Variants in PPM1E observed in about 807,000 individuals in gnomAD.
The protein encoded by PPM1E is protein phosphatase, Mg2+/Mn2+ dependent 1E.
PPM1E carries 20 observed loss-of-function variants against 65.9 expected under a neutral mutation model. That is an observed-to-expected ratio of 0.30 (90% CI 0.21 to 0.44). The LOEUF (loss-of-function observed/expected upper bound fraction) is 0.44. Ranked by LOEUF, PPM1E falls within the 20% of genes least tolerant of loss-of-function variation. PPM1E has a pLI of 1.00. For synonymous variants in PPM1E, 352 were observed against 374.9 expected (o/e 0.94, Z 0.70); for missense variants, 713 against 953.1 (o/e 0.75, Z 3.32).
intron 1 of PPM1E, among the ~76,000 whole-genome samples, chr17:58,842,524 G>A (rs1324617377): frequency 1.3e-5 from 2 of 152,240 alleles, no homozygotes; most frequent in African/African-American, 4.8e-5. Flanking sequence ...AAAACTGTTG[G>A]CTGGGCGCAG....
chr17:58,908,820 A>G (rs926658604), intron 1 of PPM1E, among the ~76,000 whole-genome samples: 6 of 152,204 alleles, frequency 3.9e-5, no homozygotes, highest in African/African-American at 1.4e-4. Context: ...TTCAAATAAC[A>G]CTACACCATT....
At chr17:58,939,423 C>G (rs776052944) in intron 1 of PPM1E, among the ~76,000 whole-genome samples, 6 of 152,250 alleles carry the variant, frequency 3.9e-5, no homozygotes, top group African/African-American at 1.4e-4. Context: ...TTGTAGAACA[C>G]TTACTGTTAG....
At chr17:58,969,364 G>A in intron 3 of PPM1E, 175 bp from the exon 4 acceptor site, 1 of 719,208 alleles carries the variant, frequency 1.4e-6, no homozygotes, top group Non-Finnish European at 2.5e-6. Context: ...CCCTAATATT[G>A]CAGGTATTTC....
At chr17:58,954,347 C>G (rs2052283813) in intron 1 of PPM1E, among the ~76,000 whole-genome samples, 1 of 152,162 alleles carries the variant, frequency 6.6e-6, no homozygotes, top group Admixed American at 6.6e-5. Flanking sequence ...TTTGATATAG[C>G]AGTCAAAGCA....
intron 1 of PPM1E, among the ~76,000 whole-genome samples, chr17:58,950,440 C>G (rs2052220241): frequency 6.6e-6 from 1 of 152,202 alleles, no homozygotes; most frequent in Non-Finnish European, 1.5e-5. Flanking sequence ...AACTTTCCAG[C>G]TTCCTGGATC....
intron 4 of PPM1E, among the ~76,000 whole-genome samples, chr17:58,970,912 T>C (rs989796000): frequency 1.3e-5 from 2 of 152,136 alleles, no homozygotes; most frequent in African/African-American, 4.8e-5. Context: ...ATTCACTCTG[T>C]CTTCTTCATC....
chr17:58,910,630 T>A (rs2051616448), intron 1 of PPM1E, among the ~76,000 whole-genome samples: 1 of 152,198 alleles, frequency 6.6e-6, no homozygotes. Flanking sequence ...TGATAAGGTA[T>A]GTAGTTAGGG....
At chr17:58,977,001 T>A (rs2031041747) in intron 6 of PPM1E, among the ~76,000 whole-genome samples, 1 of 152,206 alleles carries the variant, frequency 6.6e-6, no homozygotes, top group Admixed American at 6.5e-5. Flanking sequence ...TATTATTTAT[T>A]TTTAAATATC....
chr17:58,823,526 A>G (rs1308506136), intron 1 of PPM1E, among the ~76,000 whole-genome samples: 1 of 152,238 alleles, frequency 6.6e-6, no homozygotes, highest in Admixed American at 6.5e-5. Context: ...CTCTTTGAAA[A>G]TAACATTGCT....
chr17:58,938,123 G>C (rs1017839243), intron 1 of PPM1E, among the ~76,000 whole-genome samples: 3 of 152,140 alleles, frequency 2.0e-5, no homozygotes, highest in African/African-American at 7.2e-5. Context: ...TGGATCTGAA[G>C]TGTGTTTACA....
intron 1 of PPM1E, among the ~76,000 whole-genome samples, chr17:58,934,302 T>C (rs534286688): frequency 6.6e-6 from 1 of 152,160 alleles, no homozygotes; most frequent in Non-Finnish European, 1.5e-5. Flanking sequence ...CTGTGTGTAG[T>C]GTGCACAAAA....
At chr17:58,782,690 G>T (rs1039301444) in intron 1 of PPM1E, among the ~76,000 whole-genome samples, 1 of 151,884 alleles carries the variant, frequency 6.6e-6, no homozygotes, top group South Asian at 2.1e-4. Context: ...GGGATTACAG[G>T]CATGAACCAC....
At chr17:58,840,180 A>G (rs926770625) in intron 1 of PPM1E, among the ~76,000 whole-genome samples, 11 of 152,176 alleles carry the variant, frequency 7.2e-5, no homozygotes, top group African/African-American at 2.4e-4. Flanking sequence ...CCCAGCAACA[A>G]TCTGTGACGA....
chr17:58,847,862 T>G (rs2050787396), intron 1 of PPM1E, among the ~76,000 whole-genome samples: 1 of 152,158 alleles, frequency 6.6e-6, no homozygotes, highest in Admixed American at 6.5e-5. Flanking sequence ...TACCTTGGGC[T>G]ATATGGCCAT....
intron 2 of PPM1E, 97 bp from the exon 3 acceptor site, chr17:58,965,597 C>T: frequency 8.5e-7 from 1 of 1,173,440 alleles, no homozygotes; most frequent in South Asian, 1.4e-5. Context: ...GAAGGAGGAA[C>T]TTGACTAAGG....
chr17:58,902,542 G>C (rs1325228366), intron 1 of PPM1E, among the ~76,000 whole-genome samples: 1 of 150,986 alleles, frequency 6.6e-6, no homozygotes, highest in African/African-American at 2.5e-5. Context: ...ATTTGTCTCT[G>C]TCTGTGGATA....
At chr17:58,805,981 AAAACAAAAC>A (rs1567838891) in intron 1 of PPM1E, among the ~76,000 whole-genome samples, 54 of 100,670 alleles carry the variant, frequency 5.4e-4, no homozygotes, top group African/African-American at 1.2e-3. Context: ...AAACAAAAAA[AAAACAAAAC>A]AAAACAAAAC....
In PPM1E at chr17:58,819,755, G is replaced by A. The variant is rs140839446; in HGVS notation, c.464+63294G>A. Among the ~76,000 whole-genome samples the A allele has an allele frequency of 5.9e-5, 9 of 152,064 alleles. No homozygotes were observed. In the East Asian group the frequency reaches 1.6e-3, roughly 26 times the overall value. ...TACATGCTTTTAAAGGACATGTTGG[G>A]GCCAGGTGCAGTGGCTCATACCTGT... On this transcript the variant is annotated intron_variant, in intron 1 of 6. Transcript: ENST00000308249.
At chr17:58,767,834 GT>G (rs1256039909) in intron 1 of PPM1E, among the ~76,000 whole-genome samples, 1 of 152,002 alleles carries the variant, frequency 6.6e-6, no homozygotes, top group African/African-American at 2.4e-5. Context: ...TAGAGATGGG[GT>G]TTCTCCATGT....
Sources: gnomAD v4.1 joint callset for allele counts (sites outside exome capture counted in the v4.1 genomes callset) on GRCh38, gnomAD v4.1.1 for gene constraint, MANE v1.5 for transcripts, NCBI Gene and HGNC (gene_info 2026-07-23, HGNC 2026-07-21) for gene names.